COL6A6: variants seen among roughly 807,000 people sequenced by gnomAD.
The protein encoded by COL6A6 is collagen alpha-6(VI) chain.
Under a neutral mutation model 208.6 loss-of-function variants are expected in COL6A6, and 183 were observed. That is an observed-to-expected ratio of 0.88 (90% CI 0.78 to 0.99). COL6A6 has a LOEUF of 0.99. COL6A6 is among the 50% of genes least tolerant of loss of function. The pLI is 0.00. For synonymous variants in COL6A6, 973 were observed against 1,011.8 expected (o/e 0.96, Z 0.73); for missense variants, 2,816 against 2,815.2 (o/e 1.00, Z -0.01).
At chr3:130,536,133 C>G (rs966964764) in intron 1 of COL6A6, among the ~76,000 whole-genome samples, 1 of 152,112 alleles carries the variant, frequency 6.6e-6, no homozygotes, top group Non-Finnish European at 1.5e-5. Flanking sequence ...GAAAACTTCT[C>G]CAATAGTTAG....
intron 20 of COL6A6, among the ~76,000 whole-genome samples, chr3:130,601,476 C>T (rs1208094685): frequency 6.6e-6 from 1 of 152,180 alleles, no homozygotes; most frequent in Non-Finnish European, 1.5e-5. Flanking sequence ...ATTTGCTATT[C>T]ATTTCACTTT....
At chr3:130,591,207 A>G (rs2063707384) in intron 13 of COL6A6, 113 bp downstream of exon 13, 1 of 807,008 alleles carries the variant, frequency 1.2e-6, no homozygotes, top group East Asian at 2.7e-5. Flanking sequence ...GGATTCGTGT[A>G]CAGAATCTCA....
intron 1 of COL6A6, among the ~76,000 whole-genome samples, chr3:130,525,765 T>G (rs1400518910): frequency 6.6e-6 from 1 of 152,176 alleles, no homozygotes; most frequent in African/African-American, 2.4e-5. Context: ...TTTGCTTCCT[T>G]GACCACGCCA....
rs532252391 is a variant in COL6A6 at position 130,563,841 on chromosome 3, C to T, written c.661+177C>T. ...TATGACCATTTTCAATTCAGTGAAG[C>T]CCAGAAGTCTTGGTTTTTCATGTTT... On this transcript the variant is annotated intron_variant, in intron 3 of 36. Coordinates refer to ENST00000358511, the MANE Select transcript of COL6A6 (RefSeq NM_001102608.3). Among the ~76,000 whole-genome samples the T allele has an allele frequency of 9.2e-5, 14 of 152,308 alleles. No homozygotes were observed. In the South Asian group the frequency reaches 1.7e-3, roughly 18 times the overall value.
rs2064266759 is a variant in COL6A6, at chr3:130,608,837, T to C, written c.4690-65T>C. The C allele has an allele frequency of 1.2e-5, 12 of 989,544 alleles. No homozygotes were observed. The South Asian group carries it at 1.8e-4, about 15-fold the overall frequency. 61.3% of individuals were successfully genotyped at this position (989,544 alleles called of 1,614,324 possible). On this transcript the variant is annotated intron_variant, in intron 21 of 36. Coordinates refer to ENST00000358511, the MANE Select transcript of COL6A6 (RefSeq NM_001102608.3). ...TGTGACTGAAAAAATATTTGTAAGC[T>C]TGCAGGTAAAGGAGACAAAATGTTC...
chr3:130,519,475 CT>C (rs1177025819), intron 1 of COL6A6, among the ~76,000 whole-genome samples: 5 of 152,168 alleles, frequency 3.3e-5, no homozygotes, highest in African/African-American at 9.7e-5. Context: ...TTCTATGCTT[CT>C]TCTTATGCTT....
At chr3:130,634,811 T>A (rs1308605501) in intron 27 of COL6A6, among the ~76,000 whole-genome samples, 186 bp downstream of exon 27, 1 of 152,286 alleles carries the variant, frequency 6.6e-6, no homozygotes, top group Non-Finnish European at 1.5e-5. Flanking sequence ...TGTTTAGGAG[T>A]GTAAGGCTTA....
chr3:130,568,234 C>A lies in COL6A6; in HGVS notation c.2031C>A (p.Asn677Lys), dbSNP rs200424705. The A allele has an allele frequency of 3.8e-5, 61 of 1,614,032 alleles. No homozygotes were observed. The African/African-American group carries it at 7.6e-4, about 20-fold the overall frequency. ...TCAATAAGGAAGAGTTTCAGCTCAA[C>A]AGATTCATGTCCCAAAGCGACATTT... ...SDINKEEFQL[N>K]RFMSQSDISN... Residue 677 changes from asparagine to lysine, a missense_variant, in exon 6 of 37, where the codon AAC becomes AAA. Coordinates refer to ENST00000358511, the MANE Select transcript of COL6A6 (RefSeq NM_001102608.3).
intron 5 of COL6A6, 31 bp downstream of exon 5, chr3:130,567,293 C>G (rs781574619): frequency 1.7e-5 from 25 of 1,511,348 alleles, no homozygotes; most frequent in Non-Finnish European, 2.2e-5. Flanking sequence ...ACCTACTGAC[C>G]TTCACTCGCA....
intron 1 of COL6A6, among the ~76,000 whole-genome samples, chr3:130,558,197 G>A (rs2062807985): frequency 6.6e-6 from 1 of 152,116 alleles, no homozygotes; most frequent in Non-Finnish European, 1.5e-5. Context: ...GTCATAACTG[G>A]TAATAGAACA....
At chr3:130,576,765 G>A (rs925682140) in intron 8 of COL6A6, among the ~76,000 whole-genome samples, 1 of 152,160 alleles carries the variant, frequency 6.6e-6, no homozygotes, top group Admixed American at 6.5e-5. Flanking sequence ...GACTGATGAA[G>A]CTGGAATGAA....
At chr3:130,671,382 G>A (rs893047392) in intron 36 of COL6A6, among the ~76,000 whole-genome samples, 3 of 152,278 alleles carry the variant, frequency 2.0e-5, no homozygotes, top group South Asian at 2.1e-4. Context: ...TTCCTCTTTC[G>A]TCACACTGCC....
At chr3:130,622,579 C>T (rs377613601) in intron 24 of COL6A6, among the ~76,000 whole-genome samples, 34 of 152,006 alleles carry the variant, frequency 2.2e-4, no homozygotes, top group Admixed American at 4.6e-4. Context: ...GACTTTGAGC[C>T]GGGCGTGGTG....
intron 23 of COL6A6, among the ~76,000 whole-genome samples, chr3:130,612,536 T>C (rs1413985011): frequency 6.6e-6 from 1 of 152,232 alleles, no homozygotes; most frequent in East Asian, 1.9e-4. Context: ...CAGTTTTAAA[T>C]AATACAAAAC....
intron 11 of COL6A6, 52 bp from the exon 12 acceptor site, chr3:130,589,038 G>C: frequency 7.1e-7 from 1 of 1,405,102 alleles, no homozygotes; most frequent in Non-Finnish European, 1.0e-6. Context: ...TTGTATATGA[G>C]ATTTGGGAAG....
chr3:130,555,728 G>T (rs2062753258), intron 1 of COL6A6, among the ~76,000 whole-genome samples: 1 of 151,990 alleles, frequency 6.6e-6, no homozygotes. Context: ...TTAAAATCAT[G>T]AATTGAATGA....
At position 130,610,694 on chromosome 3, in the gene COL6A6, G is replaced by A; in HGVS notation, c.4798G>A (p.Gly1600Arg). Residue 1600 changes from glycine to arginine, a missense_variant, in exon 23 of 37, where the codon GGA becomes AGA. Gly to Arg is a moderately radical substitution (Grantham distance 125). Coordinates refer to ENST00000358511, the MANE Select transcript of COL6A6 (RefSeq NM_001102608.3). ...AGVKGEKGGV[G>R]SKGPQGPPGP... ...TGTGAAAGGAGAAAAAGGAGGTGTG[G>A]GAAGTAAAGGTCCCCAGGTATGTAA... 6.3e-7 allele frequency: 1 copy of A among 1,589,476 alleles called. No individual in the cohort carries two copies. Among genetic ancestry groups the A allele is most frequent in the Non-Finnish European group, 8.6e-7 (1 of 1,167,060 alleles).
At position 130,560,350 on chromosome 3, in the gene COL6A6, T is replaced by G; in HGVS notation, c.-15T>G. On this transcript the variant is annotated 5_prime_UTR_variant, in exon 2 of 37. It adds an upstream start codon to the 5' untranslated region. Coordinates refer to ENST00000358511, the MANE Select transcript of COL6A6 (RefSeq NM_001102608.3). ...CCTTTTCAGATTTGAAGTTGAAGAT[T>G]TTTCAGGTCATAATATGATGTTGCT... 1 of 1,601,792 alleles carries G rather than the reference T, an allele frequency of 6.2e-7. No homozygotes were observed. Among genetic ancestry groups the G allele is most frequent in the Non-Finnish European group, 8.5e-7 (1 of 1,175,314 alleles).
At position 130,627,355 on chromosome 3, in the gene COL6A6, C is replaced by T. The variant is rs201937452; in HGVS notation, c.4978C>T (p.Arg1660Cys). The T allele has an allele frequency of 3.0e-4, 483 of 1,613,636 alleles. No individual in the cohort carries two copies. The African/African-American group carries it at 5.2e-3, about 17-fold the overall frequency. ...DGSPGYGSVGRKGAKGQEGFP... is the reference protein window; with the variant it reads ...DGSPGYGSVGCKGAKGQEGFP... ...CAGTCCAGGTTATGGTAGTGTCGGA[C>T]GCAAGGGAGCAAAGGTAAGTCAAGT... Residue 1660 changes from arginine (R) to cysteine (C), a missense_variant, in exon 26 of 37, where the codon CGC becomes TGC. Physicochemically the swap from Arg to Cys is radical, Grantham distance 180. Transcript: ENST00000358511.
Sources: allele counts gnomAD v4.1 joint callset (sites outside exome capture counted in the v4.1 genomes callset), GRCh38; gene constraint gnomAD v4.1.1; transcripts MANE v1.5; gene names NCBI Gene and HGNC (gene_info 2026-07-23, HGNC 2026-07-21).